The following PPM1L variants were observed in gnomAD, a reference collection of about 807,000 sequenced individuals.
PPM1L encodes protein phosphatase, Mg2+/Mn2+ dependent 1L.
A neutral mutation model predicts 31.4 loss-of-function variants in PPM1L; 13 were observed. That is an observed-to-expected ratio of 0.41 (90% CI 0.27 to 0.66). PPM1L has a LOEUF of 0.66. PPM1L is among the 30% of genes least tolerant of loss of function. PPM1L has a pLI of 0.29. For synonymous variants in PPM1L, 184 were observed against 175.4 expected, an observed-to-expected ratio of 1.05 and a Z score of -0.39; for missense variants, 326 against 453.7, an observed-to-expected ratio of 0.72 and a Z score of 2.56.
chr3:160,877,449 A>G (rs927088288), intron 1 of PPM1L, among the ~76,000 whole-genome samples: 1 of 152,206 alleles, frequency 6.6e-6, no homozygotes, highest in African/African-American at 2.4e-5. Flanking sequence ...AGTTATGCCC[A>G]GCTCATAGAA....
chr3:160,823,421 C>T (rs563797831), intron 1 of PPM1L, among the ~76,000 whole-genome samples: 28 of 150,466 alleles, frequency 1.9e-4, no homozygotes, highest in African/African-American at 6.6e-4. Flanking sequence ...CCATGTTGGC[C>T]AGGCTGGTCT....
chr3:160,819,217 G>GA (rs901372985), intron 1 of PPM1L, among the ~76,000 whole-genome samples: 10 of 151,996 alleles, frequency 6.6e-5, no homozygotes, highest in African/African-American at 2.4e-4. Context: ...TAAATTATAG[G>GA]AAAAAATGTT....
At chr3:161,049,590 A>G (rs908844353) in intron 2 of PPM1L, among the ~76,000 whole-genome samples, 12 of 152,118 alleles carry the variant, frequency 7.9e-5, no homozygotes, top group African/African-American at 2.9e-4. Context: ...AAGCAATCTG[A>G]TATTGGTGAG....
intron 2 of PPM1L, among the ~76,000 whole-genome samples, chr3:160,962,457 T>C (rs1402354888): frequency 2.0e-5 from 3 of 152,148 alleles, no homozygotes; most frequent in Non-Finnish European, 4.4e-5. Context: ...TAATCTATTA[T>C]ATGGTCTGTC....
At chr3:160,925,966 C>T (rs555458995) in intron 1 of PPM1L, among the ~76,000 whole-genome samples, 2 of 152,252 alleles carry the variant, frequency 1.3e-5, no homozygotes, top group African/African-American at 4.8e-5. Flanking sequence ...AGCCACAAAC[C>T]TCTGGATTCA....
At chr3:160,817,732 G>T (rs1713039630) in intron 1 of PPM1L, among the ~76,000 whole-genome samples, 1 of 152,048 alleles carries the variant, frequency 6.6e-6, no homozygotes, top group Admixed American at 6.6e-5. Flanking sequence ...TGCTTTAGTT[G>T]CTGAGAGAGC....
At chr3:161,059,753 G>T (rs903590970) in intron 2 of PPM1L, among the ~76,000 whole-genome samples, 3 of 152,074 alleles carry the variant, frequency 2.0e-5, no homozygotes, top group Non-Finnish European at 2.9e-5. Flanking sequence ...TCTCATGAAT[G>T]ATTTGTCACT....
At chr3:160,790,583 A>G (rs993940341) in intron 1 of PPM1L, among the ~76,000 whole-genome samples, 5 of 152,106 alleles carry the variant, frequency 3.3e-5, no homozygotes, top group African/African-American at 1.2e-4. Context: ...GCAGAGGGAC[A>G]GGAGGGAGAG....
At position 161,073,301 on chromosome 3, in the gene PPM1L, T is replaced by C. The variant is rs551777718; in HGVS notation, c.*4144T>C. 4 of 152,340 alleles carry C rather than the reference T, an allele frequency of 2.6e-5. No individual in the cohort carries two copies. Among genetic ancestry groups the C allele is most frequent in the African/African-American group, 7.2e-5 (3 of 41,578 alleles). 9.4% of individuals were successfully genotyped at this position (152,340 alleles called of 1,614,324 possible). On this transcript the variant is annotated 3_prime_UTR_variant, in exon 4 of 4. Transcript: ENST00000498165. ...GATTAATTTGACCACAGAAACTTTT[T>C]TGAGTGGCACCTAGTAACACTGCAA...
At chr3:160,808,770 G>T (rs979362176) in intron 1 of PPM1L, among the ~76,000 whole-genome samples, 1 of 152,168 alleles carries the variant, frequency 6.6e-6, no homozygotes, top group Non-Finnish European at 1.5e-5. Flanking sequence ...GCACTCAGCT[G>T]GATCTCTCTT....
chr3:160,827,449 G>A (rs1302507142), intron 1 of PPM1L, among the ~76,000 whole-genome samples: 1 of 126,674 alleles, frequency 7.9e-6, no homozygotes, highest in East Asian at 2.3e-4. Flanking sequence ...ATATAAGTTT[G>A]TGTGTGTGTG....
At position 160,802,452 on chromosome 3, in the gene PPM1L, C is replaced by T. The variant is rs1024896786; in HGVS notation, c.399+45745C>T. On this transcript the variant is annotated intron_variant, in intron 1 of 3. Transcript: ENST00000498165. ...GTGAGCAATTTACTCTGTGTTAGAA[C>T]GTTTTTATTTTGAAAAGGTAGACAA... Among the ~76,000 whole-genome samples, 9 of 152,134 alleles carry T rather than the reference C, an allele frequency of 5.9e-5. No individual in the cohort carries two copies. In the South Asian group the frequency reaches 8.3e-4, roughly 14 times the overall value.
chr3:160,829,863 C>A (rs2108096708), intron 1 of PPM1L, among the ~76,000 whole-genome samples: 1 of 152,288 alleles, frequency 6.6e-6, no homozygotes, highest in Middle Eastern at 3.4e-3. Context: ...AAATCCTGAG[C>A]TTTTGTCCCA....
At chr3:160,840,901 G>A (rs1713857836) in intron 1 of PPM1L, among the ~76,000 whole-genome samples, 1 of 152,164 alleles carries the variant, frequency 6.6e-6, no homozygotes, top group African/African-American at 2.4e-5. Flanking sequence ...CCCACTTTGG[G>A]TGACGGAGGA....
At position 160,885,753 on chromosome 3, in the gene PPM1L, G is replaced by A. The variant is rs758205434; in HGVS notation, c.400-75983G>A. Among the ~76,000 whole-genome samples, 26 of 152,342 alleles carry A rather than the reference G, an allele frequency of 1.7e-4. No homozygotes were observed. In the South Asian group the frequency reaches 1.9e-3, roughly 11 times the overall value. On this transcript the variant is annotated intron_variant, in intron 1 of 3. Coordinates refer to ENST00000498165, the MANE Select transcript of PPM1L (RefSeq NM_139245.4). ...GATCCCACTCACCTACCCACGCCAC[G>A]GGGTCTAGGGTCCCAACCCTGGAGC...
chr3:160,808,554 A>C (rs1712712049), intron 1 of PPM1L, among the ~76,000 whole-genome samples: 1 of 152,104 alleles, frequency 6.6e-6, no homozygotes, highest in African/African-American at 2.4e-5. Flanking sequence ...CTTTGACCCC[A>C]GCTGGCTCAT....
Position 161,076,710 on chromosome 3 carries a change from A to T in PPM1L, c.*7553A>T, listed in dbSNP as rs1438153994. The stretch of plus-strand genomic sequence containing the variant: ...GCAGCCAGGAAAAAAAAAAAGAGAG[A>T]GAAAGACAAATAGAAATTTTAGTGG... On this transcript the variant is annotated 3_prime_UTR_variant, in exon 4 of 4. Transcript: ENST00000498165. 6.6e-6 allele frequency: 1 copy of T among 152,080 alleles called. No homozygotes were observed. Among genetic ancestry groups the T allele is most frequent in the Non-Finnish European group, 1.5e-5 (1 of 67,996 alleles). The allele number at this position is 152,080 out of a possible 1,614,324, so 9.4% of individuals were successfully genotyped here.
At chr3:160,917,483 T>G (rs569272323) in intron 1 of PPM1L, among the ~76,000 whole-genome samples, 1 of 152,314 alleles carries the variant, frequency 6.6e-6, no homozygotes, top group East Asian at 1.9e-4. Flanking sequence ...TCTGGATGAC[T>G]AAAATAGATA....
chr3:160,790,979 T>G (rs1398760474), intron 1 of PPM1L, among the ~76,000 whole-genome samples: 1 of 152,088 alleles, frequency 6.6e-6, no homozygotes, highest in African/African-American at 2.4e-5. Context: ...GGGAGGAGGA[T>G]TCTGAGGGGG....
Sources: allele counts gnomAD v4.1 joint callset (sites outside exome capture counted in the v4.1 genomes callset), GRCh38; gene constraint gnomAD v4.1.1; transcripts MANE v1.5; gene names NCBI Gene and HGNC (gene_info 2026-07-23, HGNC 2026-07-21).